Variants in MYL12B observed in about 807,000 individuals in gnomAD.
MYL12B encodes the protein myosin regulatory light chain 12B.
MYL12B carries 3 observed loss-of-function variants against 12.9 expected under a neutral mutation model. That is an observed-to-expected ratio of 0.23 (90% confidence interval 0.11 to 0.60). The LOEUF (loss-of-function observed/expected upper bound fraction) is 0.60, where lower values mean the gene tolerates loss of function less well. Among genes scored for constraint, MYL12B ranks in the 20% least tolerant of loss-of-function variants. MYL12B has a pLI of 0.89. For missense variants in MYL12B, 120 were observed against 215.4 expected, an observed-to-expected ratio of 0.56 and a Z score of 2.77; for synonymous variants, 57 against 71.9, an observed-to-expected ratio of 0.79 and a Z score of 1.05.
At chr18:3,274,764 G>T (rs1326018890) in intron 2 of MYL12B, among the ~76,000 whole-genome samples, 1 of 152,178 alleles carries the variant, frequency 6.6e-6, no homozygotes, top group Non-Finnish European at 1.5e-5. Flanking sequence ...CATTCACAAG[G>T]ACTCAACTGT....
At chr18:3,266,712 T>G (rs966267971) in intron 1 of MYL12B, among the ~76,000 whole-genome samples, 3 of 152,228 alleles carry the variant, frequency 2.0e-5, no homozygotes, top group South Asian at 2.1e-4. Context: ...ATCTGAAATT[T>G]AGGTTATGTA....
chr18:3,270,951 T>A (rs2081673520), intron 1 of MYL12B, among the ~76,000 whole-genome samples: 1 of 152,192 alleles, frequency 6.6e-6, no homozygotes, highest in Admixed American at 6.5e-5. Context: ...AGATTATAGG[T>A]GTGAGCCACC....
chr18:3,269,719 G>C (rs2081662093), intron 1 of MYL12B, among the ~76,000 whole-genome samples: 1 of 152,164 alleles, frequency 6.6e-6, no homozygotes, highest in Admixed American at 6.5e-5. Flanking sequence ...AATGAAGACT[G>C]AAAAGAACTT....
At chr18:3,262,398 TGGAGGGAGGAGGGTTGGC>T (rs1238863349) in intron 1 of MYL12B, 161 bp downstream of exon 1, 1 of 128,870 alleles carries the variant, frequency 7.8e-6, no homozygotes, top group South Asian at 2.6e-4. Context: ...GGGCCGGAGG[TGGAGGGAGGAGGGTTGGC>T]GGCGGGAGGA....
intron 2 of MYL12B, chr18:3,276,569 C>T: frequency 2.0e-6 from 2 of 985,170 alleles, no homozygotes; most frequent in Non-Finnish European, 2.4e-6. Flanking sequence ...TCAAAATAAG[C>T]TGCCAATTCA....
chr18:3,278,048 G>A lies in MYL12B; in HGVS notation c.*111G>A, dbSNP rs553279303. 3.0e-5 allele frequency: 40 copies of A among 1,352,636 alleles called. No homozygotes were observed. The East Asian group carries it at 9.7e-4, about 33-fold the overall frequency. 83.8% of individuals were successfully genotyped at this position (1,352,636 alleles called of 1,614,324 possible). A position where few individuals can be genotyped will look rare whatever the true frequency, so the allele number is the denominator to read the frequency against. ...GCATGCAACTTAGTTTCACAGCTTT[G>A]CCTCTTCTTTTTGATGTATTTATTC... is the stretch of plus-strand genomic sequence containing the variant. On this transcript the variant is annotated 3_prime_UTR_variant, in exon 4 of 4. Coordinates refer to ENST00000237500, the MANE Select transcript of MYL12B (RefSeq NM_033546.4).
At chr18:3,275,496 G>A (rs1018546969) in intron 2 of MYL12B, among the ~76,000 whole-genome samples, 2 of 152,144 alleles carry the variant, frequency 1.3e-5, no homozygotes, top group Non-Finnish European at 2.9e-5. Context: ...AATGCTTGAA[G>A]GGATGGCTAT....
rs960717468 is a variant in MYL12B, at chr18:3,273,109, T to G, written c.184+27T>G. 10 of 1,533,514 alleles carry G rather than the reference T, an allele frequency of 6.5e-6. No individual in the cohort carries two copies. In the African/African-American group the frequency reaches 8.3e-5, roughly 13 times the overall value. 95.0% of individuals were successfully genotyped at this position (1,533,514 alleles called of 1,614,324 possible). ...TAGACTTTATATTCTTTATTTGTAT[T>G]TTCCCTAAAATAATAATTTGTCTCT... On this transcript the variant is annotated intron_variant, in intron 2 of 3. Coordinates refer to ENST00000237500, the MANE Select transcript of MYL12B (RefSeq NM_033546.4).
Position 3,277,889 on chromosome 18 carries a change from C to G in MYL12B, c.471C>G (p.Ile157Met), listed in dbSNP as rs373604604. ...ACAAAAAGGGGAATTTCAATTACAT[C>G]GAGTTCACACGCATCCTGAAACATG... Reference protein sequence around the residue: ...PIDKKGNFNYIEFTRILKHGA... With the variant: ...PIDKKGNFNYMEFTRILKHGA... The change falls in exon 4 of 4, where the codon ATC (isoleucine) becomes ATG (methionine). Residue 157 changes from isoleucine to methionine, a missense_variant. Ile to Met is a conservative substitution (Grantham distance 10, BLOSUM62 1). Coordinates refer to ENST00000237500, the MANE Select transcript of MYL12B (RefSeq NM_033546.4). 4 of 1,613,824 alleles carry G rather than the reference C, an allele frequency of 2.5e-6. No individual in the cohort carries two copies. Among genetic ancestry groups the G allele is most frequent in the East Asian group, 4.5e-5 (2 of 44,874 alleles).
At chr18:3,275,274 A>G (rs965086898) in intron 2 of MYL12B, among the ~76,000 whole-genome samples, 2 of 152,122 alleles carry the variant, frequency 1.3e-5, no homozygotes, top group Non-Finnish European at 2.9e-5. Flanking sequence ...AAATAATTGA[A>G]CTCATGGAGA....
At chr18:3,268,618 C>CA (rs1473270195) in intron 1 of MYL12B, among the ~76,000 whole-genome samples, 1 of 151,174 alleles carries the variant, frequency 6.6e-6, no homozygotes, top group East Asian at 2.0e-4. Context: ...TTTGAAAACT[C>CA]AGTTTGTCTA....
intron 1 of MYL12B, chr18:3,271,945 C>G (rs1198828287): frequency 4.2e-6 from 2 of 470,946 alleles, no homozygotes; most frequent in Non-Finnish European, 5.5e-6. Flanking sequence ...TGGCTCATGT[C>G]TGTAATCCCA....
At chr18:3,266,436 A>G (rs2081635459) in intron 1 of MYL12B, among the ~76,000 whole-genome samples, 1 of 152,150 alleles carries the variant, frequency 6.6e-6, no homozygotes, top group Admixed American at 6.5e-5. Context: ...ACAATATCTT[A>G]CTGGTTACAC....
intron 1 of MYL12B, among the ~76,000 whole-genome samples, chr18:3,266,669 C>T (rs1050972627): frequency 1.3e-5 from 2 of 152,154 alleles, no homozygotes; most frequent in African/African-American, 4.8e-5. Flanking sequence ...GGATGCTGGT[C>T]AAGTGATTCC....
intron 3 of MYL12B, among the ~76,000 whole-genome samples, 156 bp from the exon 4 acceptor site, chr18:3,277,607 CAT>C (rs1374123929): frequency 3.9e-5 from 6 of 152,274 alleles, no homozygotes; most frequent in African/African-American, 1.2e-4. Flanking sequence ...AATTGGAAAA[CAT>C]AATGATATAG....
In MYL12B at chr18:3,272,882, A is replaced by T; in HGVS notation, c.-15-2A>T. 6.5e-7 allele frequency: 1 copy of T among 1,547,948 alleles called. No individual in the cohort carries two copies. The highest frequency in any genetic ancestry group is 8.7e-7 in the Non-Finnish European group (1 of 1,147,934). On this transcript the variant is annotated splice_acceptor_variant, in intron 1 of 3. Coordinates refer to ENST00000237500, the MANE Select transcript of MYL12B (RefSeq NM_033546.4). LOFTEE classifies it low-confidence loss of function (5UTR_SPLICE). ...CGTTTTTGTGTTTTTTTTTTAATCCAGAATTAAACAACCACCATGTCGAGC... is the reference window on the plus strand; with the variant it reads ...CGTTTTTGTGTTTTTTTTTTAATCCTGAATTAAACAACCACCATGTCGAGC...
In MYL12B at chr18:3,264,312, A is replaced by G. The variant is rs116257563; in HGVS notation, c.-16+2075A>G. Among the ~76,000 whole-genome samples, 1,139 of 152,324 alleles carry G rather than the reference A, an allele frequency of 7.5e-3. 15 individuals carry two copies. The highest frequency in any genetic ancestry group is 0.026 in the African/African-American group (1,081 of 41,566). ...ACTATACATATATTTATACATATATATATGTATTTGCTTAACTAGGATTAT... is the reference window on the plus strand; with the variant it reads ...ACTATACATATATTTATACATATATGTATGTATTTGCTTAACTAGGATTAT... On this transcript the variant is annotated intron_variant, in intron 1 of 3. Transcript: ENST00000237500.
At chr18:3,269,557 T>G (rs1012611282) in intron 1 of MYL12B, among the ~76,000 whole-genome samples, 3 of 152,128 alleles carry the variant, frequency 2.0e-5, no homozygotes, top group Non-Finnish European at 2.9e-5. Context: ...AGCATGTTGA[T>G]TATGAGTGTC....
At chr18:3,273,116 A>G (rs746351770) in intron 2 of MYL12B, 34 bp downstream of exon 2, 18 of 1,524,022 alleles carry the variant, frequency 1.2e-5, no homozygotes, top group Non-Finnish European at 1.6e-5. Context: ...TATTTTCCCT[A>G]AAATAATAAT....
Sources: allele counts gnomAD v4.1 joint callset (sites outside exome capture counted in the v4.1 genomes callset), GRCh38; gene constraint gnomAD v4.1.1; transcripts MANE v1.5; gene names NCBI Gene and HGNC (gene_info 2026-07-23, HGNC 2026-07-21).